Variants in KAZN observed in about 807,000 individuals in gnomAD.
The protein encoded by KAZN is kazrin, periplakin interacting protein, also known as kazrin.
In KAZN, 40 loss-of-function variants were observed where a neutral mutation model predicts 87.4. That is an observed-to-expected ratio of 0.46 (90% CI 0.36 to 0.60). The LOEUF (loss-of-function observed/expected upper bound fraction) is 0.60. KAZN is among the 20% of genes least tolerant of loss of function. The pLI, the probability that KAZN is intolerant of heterozygous loss-of-function variation, is 0.00. For synonymous variants in KAZN, 466 were observed against 458.3 expected (o/e 1.02, Z -0.22); for missense variants, 898 against 1,073.9 (o/e 0.84, Z 2.29).
At chr1:14,212,140 C>A (rs1263996655) in intron 2 of KAZN, among the ~76,000 whole-genome samples, 5 of 152,182 alleles carry the variant, frequency 3.3e-5, no homozygotes, top group Non-Finnish European at 7.3e-5. Context: ...AGAACCATGG[C>A]CATCCCCCTT....
intron 2 of KAZN, among the ~76,000 whole-genome samples, chr1:14,195,976 G>T (rs572350489): frequency 1.5e-3 from 221 of 152,240 alleles, no homozygotes; most frequent in African/African-American, 5.0e-3. Context: ...AATTGAAGTA[G>T]GGGCATCCAA....
At chr1:14,672,693 T>G (rs1409657336) in intron 1 of KAZN, among the ~76,000 whole-genome samples, 2 of 152,148 alleles carry the variant, frequency 1.3e-5, no homozygotes. Context: ...AGAACCAGGT[T>G]CGGAGCAGCT....
chr1:14,817,448 T>C (rs1646602056), intron 1 of KAZN, among the ~76,000 whole-genome samples: 1 of 152,192 alleles, frequency 6.6e-6, no homozygotes, highest in Non-Finnish European at 1.5e-5. Flanking sequence ...CTATCTAGCA[T>C]AGCAGAAACA....
intron 2 of KAZN, among the ~76,000 whole-genome samples, chr1:14,965,428 T>G (rs1388554791): frequency 1.3e-5 from 2 of 152,192 alleles, no homozygotes; most frequent in East Asian, 3.8e-4. Context: ...TCCTCAGGCC[T>G]CCTCAATTTC....
At chr1:14,571,631 A>G (rs999345627) in intron 2 of KAZN, among the ~76,000 whole-genome samples, 2 of 151,972 alleles carry the variant, frequency 1.3e-5, no homozygotes, top group African/African-American at 4.8e-5. Context: ...GAGCGCCCCC[A>G]CTCCATCCCC....
intron 1 of KAZN, among the ~76,000 whole-genome samples, chr1:13,962,890 G>C (rs1052603824): frequency 3.3e-5 from 5 of 152,158 alleles, no homozygotes; most frequent in African/African-American, 1.2e-4. Context: ...AGAAAACTGA[G>C]GTGTAGAGAA....
chr1:15,070,093 T>C (rs1198574726), intron 8 of KAZN, among the ~76,000 whole-genome samples: 1 of 152,184 alleles, frequency 6.6e-6, no homozygotes, highest in African/African-American at 2.4e-5. Context: ...CCTCAAACTA[T>C]GGAGTTTTGG....
chr1:14,358,526 T>C (rs575263111), intron 2 of KAZN, among the ~76,000 whole-genome samples: 1 of 152,318 alleles, frequency 6.6e-6, no homozygotes, highest in South Asian at 2.1e-4. Context: ...AGGGTGTCGA[T>C]TTTAGATCTT....
intron 1 of KAZN, among the ~76,000 whole-genome samples, chr1:14,933,524 G>A (rs115945667): frequency 0.049 from 7,290 of 149,938 alleles, 299 homozygotes; most frequent in Non-Finnish European, 0.069. Flanking sequence ...CTTTAAACAG[G>A]GCTCCCTCAC....
rs1341966087 is a variant in KAZN at position 15,077,515 on chromosome 1, G to A, written c.1222+11762G>A. On this transcript the variant is annotated intron_variant, in intron 8 of 14. Transcript: ENST00000376030. This position sits in a 1 kb window ranked among gnomAD's most constrained non-coding sequence, Gnocchi z 4.8. ...GGGGTCTTCGCTCAGCACTGCCCTC[G>A]GAGGCCTTGAGTCACTGCAGGAATC... Among the ~76,000 whole-genome samples, 3 of 152,188 alleles carry A rather than the reference G, an allele frequency of 2.0e-5. No individual in the cohort carries two copies. Among genetic ancestry groups the A allele is most frequent in the Non-Finnish European group, 2.9e-5 (2 of 68,022 alleles).
intron 2 of KAZN, among the ~76,000 whole-genome samples, chr1:14,571,174 G>A (rs891282517): frequency 1.3e-5 from 2 of 151,080 alleles, no homozygotes; most frequent in African/African-American, 4.9e-5. Context: ...TAACCTTGTA[G>A]AAACGTACAT....
At chr1:14,118,152 GA>G (rs1362286853) in intron 1 of KAZN, among the ~76,000 whole-genome samples, 1 of 152,146 alleles carries the variant, frequency 6.6e-6, no homozygotes, top group African/African-American at 2.4e-5. Flanking sequence ...GTTTCTCAAA[GA>G]ATGGTGAAAA....
intron 1 of KAZN, among the ~76,000 whole-genome samples, chr1:14,920,241 G>C (rs1658341948): frequency 6.7e-6 from 1 of 150,056 alleles, no homozygotes; most frequent in African/African-American, 2.5e-5. Flanking sequence ...CTCTGGATGG[G>C]ACCTGCACTT....
In KAZN at chr1:14,460,176, A is replaced by C. The variant is rs1428454540; in HGVS notation, c.250-138807A>C. ...GCATCACCATTCTGACAGGTATCAA[A>C]GGGCACCTATAACCCACAAGACACC... is the stretch of plus-strand genomic sequence containing the variant. On this transcript the variant is annotated intron_variant, in intron 2 of 16. Coordinates refer to the KAZN transcript ENST00000636203. Among the ~76,000 whole-genome samples the C allele has an allele frequency of 3.9e-5, 6 of 152,212 alleles. No homozygotes were observed. The East Asian group carries it at 1.2e-3, about 29-fold the overall frequency.
chr1:14,188,843 T>C (rs1043569181), intron 2 of KAZN, among the ~76,000 whole-genome samples: 3 of 152,176 alleles, frequency 2.0e-5, no homozygotes, highest in Non-Finnish European at 4.4e-5. Context: ...ATATCAGACT[T>C]TTTTCTTATC....
intron 1 of KAZN, among the ~76,000 whole-genome samples, chr1:14,898,291 C>G (rs1426784263): frequency 6.6e-6 from 1 of 152,172 alleles, no homozygotes; most frequent in African/African-American, 2.4e-5. Context: ...AGAGCAGGGG[C>G]AGTGTTCAAC....
chr1:15,056,153 G>T lies in KAZN; in HGVS notation c.789G>T (p.Pro263=). 6.2e-7 allele frequency: 1 copy of T among 1,614,174 alleles called. No homozygotes were observed. Among genetic ancestry groups the T allele is most frequent in the Non-Finnish European group, 8.5e-7 (1 of 1,179,998 alleles). Residue 263 remains proline, a synonymous_variant, in exon 5 of 15, where the codon CCG becomes CCT. Transcript: ENST00000376030. The surrounding 1 kb of genome is among the most constrained non-coding windows in gnomAD (Gnocchi z 5.4). ...DVPKRHSLAM[P]GETVLNGNQE... ...CCAAGCGGCATTCCCTCGCCATGCC[G>T]GGCGAGACGGTGCTCAATGGCAACC...
chr1:13,975,182 C>A (rs987825286), intron 1 of KAZN, among the ~76,000 whole-genome samples: 1 of 152,034 alleles, frequency 6.6e-6, no homozygotes, highest in African/African-American at 2.4e-5. Flanking sequence ...GCTGAGTCAG[C>A]TGCCCACCCC....
intron 1 of KAZN, among the ~76,000 whole-genome samples, chr1:14,928,467 A>G (rs2101555080): frequency 6.6e-6 from 1 of 152,026 alleles, no homozygotes; most frequent in East Asian, 1.9e-4. Context: ...AACAAAAAAA[A>G]AGAAAGTAGA....
Sources: allele counts gnomAD v4.1 joint callset (sites outside exome capture counted in the v4.1 genomes callset), GRCh38; gene constraint gnomAD v4.1.1; non-coding constraint Gnocchi (gnomAD v3.1); transcripts MANE v1.5; gene names NCBI Gene and HGNC (gene_info 2026-07-23, HGNC 2026-07-21).